GABRA3: variants seen among roughly 807,000 people sequenced by gnomAD.
GABRA3 encodes gamma-aminobutyric acid receptor subunit alpha-3.
GABRA3 carries 10 observed loss-of-function variants against 30.1 expected under a neutral mutation model. The observed-to-expected ratio is 0.33, with a 90% CI of 0.20 to 0.56. GABRA3 has a LOEUF of 0.56. Among genes scored for constraint, GABRA3 ranks in the 20% least tolerant of loss-of-function variants. GABRA3 has a pLI of 0.89. For missense variants in GABRA3, 233 were observed against 392.0 expected (o/e 0.59, Z 3.42); for synonymous variants, 151 against 146.8 (o/e 1.03, Z -0.21).
chrX:152,307,174 T>C (rs969827985), intron 3 of GABRA3, among the ~76,000 whole-genome samples: 2 of 111,628 alleles, frequency 1.8e-5, no homozygotes, highest in Non-Finnish European at 3.8e-5. Flanking sequence ...ATCTGTGAAA[T>C]GGGGATATCA....
At chrX:152,330,303 G>T (rs1940142389) in intron 3 of GABRA3, among the ~76,000 whole-genome samples, 1 of 111,744 alleles carries the variant, frequency 8.9e-6, no homozygotes, top group South Asian at 3.8e-4. Flanking sequence ...ATTCCTCAAG[G>T]ATCTAGAACT....
At chrX:152,353,003 G>C (rs1306318582) in intron 2 of GABRA3, among the ~76,000 whole-genome samples, 1 of 110,712 alleles carries the variant, frequency 9.0e-6, no homozygotes, top group African/African-American at 3.3e-5. Context: ...TTATATACTA[G>C]GGAGGAAATG....
chrX:152,225,408 A>G (rs1046754125), intron 5 of GABRA3, among the ~76,000 whole-genome samples: 2 of 67,821 alleles, frequency 2.9e-5, no homozygotes, highest in African/African-American at 1.4e-4. Flanking sequence ...ACACACGCAC[A>G]CACACACACG....
At chrX:152,442,300 T>C (rs1048175050) in intron 1 of GABRA3, among the ~76,000 whole-genome samples, 1 of 110,841 alleles carries the variant, frequency 9.0e-6, no homozygotes, top group African/African-American at 3.3e-5. Context: ...ATGCTAACAG[T>C]TGTTCACTCT....
chrX:152,411,579 T>G (rs1300429192), intron 1 of GABRA3, among the ~76,000 whole-genome samples: 1 of 111,689 alleles, frequency 9.0e-6, no homozygotes, highest in Non-Finnish European at 1.9e-5. Flanking sequence ...TAACTCAAAC[T>G]CGTTCAAACA....
intron 2 of GABRA3, among the ~76,000 whole-genome samples, chrX:152,357,527 C>A (rs1247508706): frequency 9.0e-6 from 1 of 111,340 alleles, no homozygotes; most frequent in Non-Finnish European, 1.9e-5. Context: ...GGATATTAGA[C>A]CCTTGTTGGA....
intron 5 of GABRA3, among the ~76,000 whole-genome samples, chrX:152,248,303 G>A (rs1938493322): frequency 9.0e-6 from 1 of 110,745 alleles, no homozygotes; most frequent in African/African-American, 3.3e-5. Context: ...ATGTCCATGT[G>A]ACCTCATTCT....
intron 3 of GABRA3, 71 bp downstream of exon 3, chrX:152,345,510 T>C (rs767343128): frequency 2.6e-5 from 29 of 1,114,114 alleles, no homozygotes; most frequent in Non-Finnish European, 9.6e-6. Flanking sequence ...AGGCACCTTA[T>C]AACTGTTTTT....
At chrX:152,423,932 A>G (rs1231508203) in intron 1 of GABRA3, among the ~76,000 whole-genome samples, 2 of 111,608 alleles carry the variant, frequency 1.8e-5, no homozygotes, top group Admixed American at 1.9e-4. Flanking sequence ...CTCAATAGCA[A>G]TCATAAAAAT....
Position 152,334,383 on chromosome X carries a change from G to A in GABRA3, c.262+11198C>T, listed in dbSNP as rs751950150. Among the ~76,000 whole-genome samples the A allele has an allele frequency of 2.7e-5, 3 of 111,476 alleles. No individual in the cohort carries two copies. The South Asian group carries it at 1.1e-3, about 42-fold the overall frequency. ...CTCAGTGCAATAAAGAAAGAAAAAA[G>A]AGCATCCATATTGCACAGGAAGAAT... is the stretch of plus-strand genomic sequence containing the variant. On this transcript the variant is annotated intron_variant, in intron 3 of 9. Coordinates refer to ENST00000370314, the MANE Select transcript of GABRA3 (RefSeq NM_000808.4).
At chrX:152,381,153 G>A (rs925498766) in intron 1 of GABRA3, among the ~76,000 whole-genome samples, 8 of 111,926 alleles carry the variant, frequency 7.1e-5, no homozygotes, top group African/African-American at 1.9e-4. Flanking sequence ...GCCAGTGGAT[G>A]CTGACACCAT....
In GABRA3 at chrX:152,189,754, C is replaced by T; in HGVS notation, c.1119G>A (p.Lys373=). The part of the protein sequence containing the change: ...TKRSWAWEGK[K]VPEALEMKKK... Reference sequence around the variant, plus strand: ...CCTTCATCTCCAGGGCCTCTGGCACCTTCTTGCCTTCCCAAGCCCAACTCC... The same window carrying T: ...CCTTCATCTCCAGGGCCTCTGGCACTTTCTTGCCTTCCCAAGCCCAACTCC... Residue 373 remains lysine, a synonymous_variant, in exon 9 of 10, where the codon AAG becomes AAA. Coordinates refer to ENST00000370314, the MANE Select transcript of GABRA3 (RefSeq NM_000808.4). The T allele has an allele frequency of 8.3e-7, 1 of 1,206,372 alleles. No individual in the cohort carries two copies. The highest frequency in any genetic ancestry group is 2.6e-4 in the Middle Eastern group (1 of 3,808).
intron 3 of GABRA3, among the ~76,000 whole-genome samples, chrX:152,341,545 CTT>C (rs1201836478): frequency 1.7e-4 from 15 of 86,711 alleles, no homozygotes; most frequent in African/African-American, 4.9e-4. Flanking sequence ...CATCTATTGA[CTT>C]TTTTTTTTTT....
intron 1 of GABRA3, among the ~76,000 whole-genome samples, chrX:152,439,563 A>T (rs1408477814): frequency 8.9e-6 from 1 of 111,829 alleles, no homozygotes; most frequent in East Asian, 2.8e-4. Flanking sequence ...TTATAAAGTT[A>T]GACATTTACT....
chrX:152,170,282 T>A (rs1167782440), intron 9 of GABRA3, among the ~76,000 whole-genome samples: 2 of 112,401 alleles, frequency 1.8e-5, no homozygotes, highest in Non-Finnish European at 3.8e-5. Context: ...AAGATGAGCA[T>A]GCGGCAAAGG....
chrX:152,353,600 G>T (rs1227351858), intron 2 of GABRA3, among the ~76,000 whole-genome samples: 1 of 111,394 alleles, frequency 9.0e-6, no homozygotes, highest in African/African-American at 3.3e-5. Context: ...TGTTTATGTG[G>T]AAAGACATTT....
chrX:152,261,387 C>A (rs766201863), intron 4 of GABRA3, among the ~76,000 whole-genome samples: 1 of 111,832 alleles, frequency 8.9e-6, no homozygotes, highest in African/African-American at 3.3e-5. Flanking sequence ...AAAGTTTCAT[C>A]GGAGACAAGG....
intron 1 of GABRA3, among the ~76,000 whole-genome samples, chrX:152,400,415 G>A (rs1420881633): frequency 2.7e-5 from 3 of 110,889 alleles, no homozygotes; most frequent in Non-Finnish European, 5.7e-5. Context: ...AGGCTGAGGC[G>A]GGAGGATCAC....
At chrX:152,441,352 A>ATATAGTCCTG (rs1930926593) in intron 1 of GABRA3, among the ~76,000 whole-genome samples, 1 of 112,148 alleles carries the variant, frequency 8.9e-6, no homozygotes, top group South Asian at 3.7e-4. Flanking sequence ...AGTCCTGAAT[A>ATATAGTCCTG]AATGCCAAGA....
Sources: allele counts gnomAD v4.1 joint callset (sites outside exome capture counted in the v4.1 genomes callset), GRCh38; gene constraint gnomAD v4.1.1; transcripts MANE v1.5; gene names NCBI Gene and HGNC (gene_info 2026-07-23, HGNC 2026-07-21).